The following PCDH15 variants were observed in gnomAD, a reference collection of about 807,000 sequenced individuals.
PCDH15 encodes protocadherin-15.
Under a neutral mutation model 178.5 loss-of-function variants are expected in PCDH15, and 129 were observed. That is an observed-to-expected ratio of 0.72 (90% CI 0.63 to 0.84). The LOEUF (loss-of-function observed/expected upper bound fraction) is 0.84, where lower values mean the gene tolerates loss of function less well. Among genes scored for constraint, PCDH15 ranks in the 40% least tolerant of loss-of-function variants. The pLI is 0.00. For synonymous variants in PCDH15, 800 were observed against 732.0 expected, an observed-to-expected ratio of 1.09 and a Z score of -1.50; for missense variants, 2,230 against 2,099.9, an observed-to-expected ratio of 1.06 and a Z score of -1.21.
chr10:55,135,946 C>T (rs985907440), intron 2 of PCDH15, among the ~76,000 whole-genome samples: 3 of 152,026 alleles, frequency 2.0e-5, no homozygotes, highest in Non-Finnish European at 2.9e-5. Context: ...AATCAAATTA[C>T]GTGTGGGTTG....
chr10:54,607,566 A>G (rs2092796664), intron 2 of PCDH15, among the ~76,000 whole-genome samples: 1 of 152,102 alleles, frequency 6.6e-6, no homozygotes, highest in Non-Finnish European at 1.5e-5. Context: ...ATTTGTCTGC[A>G]TGACAAATTT....
intron 1 of PCDH15, among the ~76,000 whole-genome samples, chr10:54,672,213 AT>A (rs2094688025): frequency 6.6e-6 from 1 of 150,874 alleles, no homozygotes; most frequent in African/African-American, 2.5e-5. Flanking sequence ...TTATATCATT[AT>A]ATATTATAAT....
At chr10:55,077,534 CCTTT>C (rs1248872171) in intron 2 of PCDH15, among the ~76,000 whole-genome samples, 1 of 149,582 alleles carries the variant, frequency 6.7e-6, no homozygotes, top group African/African-American at 2.5e-5. Context: ...TTCCTTCCTT[CCTTT>C]CCTTTCTACC....
At chr10:54,002,840 A>G (rs1456813435) in intron 20 of PCDH15, among the ~76,000 whole-genome samples, 3 of 152,130 alleles carry the variant, frequency 2.0e-5, no homozygotes, top group Non-Finnish European at 2.9e-5. Context: ...ACAAAAAGAA[A>G]GAAAGGGGAG....
At chr10:55,551,189 T>C (rs529878084) in intron 2 of PCDH15, among the ~76,000 whole-genome samples, 27 of 152,124 alleles carry the variant, frequency 1.8e-4, no homozygotes, top group African/African-American at 6.3e-4. Context: ...AATTTCTCTC[T>C]TTGTCTTGTA....
At chr10:53,933,311 C>T (rs529704292) in intron 25 of PCDH15, among the ~76,000 whole-genome samples, 3 of 151,898 alleles carry the variant, frequency 2.0e-5, no homozygotes, top group Non-Finnish European at 2.9e-5. Context: ...TCTCCTAATG[C>T]TATCCCTCCC....
At chr10:54,781,103 T>C (rs1158594364) in intron 1 of PCDH15, among the ~76,000 whole-genome samples, 1 of 152,166 alleles carries the variant, frequency 6.6e-6, no homozygotes, top group Admixed American at 6.6e-5. Context: ...TAAAACATTT[T>C]GGACCTAGCC....
Position 54,915,808 on chromosome 10 carries a change from A to T in PCDH15, c.-79-18308T>A, listed in dbSNP as rs973431281. ...ATTCAAAGTACAAGAATTTGTATCC[A>T]TTAAATATCTTGAGATTACCTATTT... On this transcript the variant is annotated intron_variant, in intron 2 of 5. Transcript: ENST00000458638. 2.6e-5 allele frequency among the ~76,000 whole-genome samples: 4 copies of T among 152,146 alleles called. No individual in the cohort carries two copies. In the South Asian group the frequency reaches 8.3e-4, roughly 31 times the overall value.
At chr10:54,164,790 G>A (rs2046050836) in intron 13 of PCDH15, among the ~76,000 whole-genome samples, 4 of 151,926 alleles carry the variant, frequency 2.6e-5, no homozygotes, top group African/African-American at 9.7e-5. Flanking sequence ...AATGAGTGCA[G>A]ATGACTTAGA....
At chr10:55,013,366 T>A (rs1840092813) in intron 2 of PCDH15, among the ~76,000 whole-genome samples, 2 of 141,082 alleles carry the variant, frequency 1.4e-5, no homozygotes, top group Admixed American at 1.4e-4. Context: ...AAAACACAAT[T>A]CTTATCAAAA....
chr10:54,590,236 A>C (rs2091793585), intron 2 of PCDH15, among the ~76,000 whole-genome samples: 2 of 152,206 alleles, frequency 1.3e-5, no homozygotes, highest in South Asian at 4.1e-4. Flanking sequence ...TACTATAAGT[A>C]GAAAAACACA....
intron 2 of PCDH15, among the ~76,000 whole-genome samples, chr10:55,033,262 T>A (rs759674811): frequency 6.6e-6 from 1 of 151,718 alleles, no homozygotes; most frequent in Non-Finnish European, 1.5e-5. Flanking sequence ...ATTGATGGAG[T>A]TGTGGCAGCA....
chr10:54,545,810 C>T (rs78642190), intron 2 of PCDH15, among the ~76,000 whole-genome samples: 3,090 of 152,308 alleles, frequency 0.02, 86 homozygotes, highest in African/African-American at 0.069. Flanking sequence ...GGACCACCCA[C>T]TCTAACACCT....
chr10:54,893,169 G>A (rs1445063189), intron 3 of PCDH15, among the ~76,000 whole-genome samples: 2 of 151,858 alleles, frequency 1.3e-5, no homozygotes, highest in African/African-American at 4.8e-5. Context: ...TATGTTACAT[G>A]TGTTCATAGT....
chr10:55,506,457 C>G (rs1209469936), intron 2 of PCDH15, among the ~76,000 whole-genome samples: 1 of 151,388 alleles, frequency 6.6e-6, no homozygotes, highest in East Asian at 1.9e-4. Context: ...TGTCATCTAC[C>G]TAGAAGAGAC....
intron 1 of PCDH15, among the ~76,000 whole-genome samples, chr10:55,184,568 T>C (rs944691444): frequency 2.0e-5 from 3 of 151,954 alleles, no homozygotes; most frequent in African/African-American, 4.8e-5. Context: ...ACGATACTTA[T>C]CACTCACACA....
At chr10:54,923,344 T>C (rs1223064088) in intron 2 of PCDH15, among the ~76,000 whole-genome samples, 2 of 138,758 alleles carry the variant, frequency 1.4e-5, no homozygotes, top group Non-Finnish European at 1.7e-5. Context: ...TGAAACACCA[T>C]TGAAACATTT....
At chr10:54,276,636 T>C (rs1306074587) in intron 8 of PCDH15, among the ~76,000 whole-genome samples, 1 of 149,110 alleles carries the variant, frequency 6.7e-6, no homozygotes, top group Non-Finnish European at 1.5e-5. Context: ...TAATAAAATC[T>C]ATATAAGAAT....
At chr10:54,987,767 T>A (rs1839408248) in intron 2 of PCDH15, among the ~76,000 whole-genome samples, 1 of 152,054 alleles carries the variant, frequency 6.6e-6, no homozygotes, top group Non-Finnish European at 1.5e-5. Context: ...TAAGAACTTT[T>A]TCACCTGGGT....
Sources: allele counts gnomAD v4.1 joint callset (sites outside exome capture counted in the v4.1 genomes callset), GRCh38; gene constraint gnomAD v4.1.1; transcripts MANE v1.5; gene names NCBI Gene and HGNC (gene_info 2026-07-23, HGNC 2026-07-21).